MFGE8: variants seen among roughly 807,000 people sequenced by gnomAD.
The protein encoded by MFGE8 is lactadherin.
MFGE8 carries 34 observed loss-of-function variants against 42.6 expected under a neutral mutation model. The observed-to-expected ratio is 0.80, with a 90% CI of 0.61 to 1.06. The LOEUF is 1.06. MFGE8 is among the 50% of genes least tolerant of loss of function. The pLI is 0.00. For missense variants in MFGE8, 510 were observed against 516.9 expected (o/e 0.99, Z 0.13); for synonymous variants, 230 against 214.8 (o/e 1.07, Z -0.62).
intron 1 of MFGE8, chr15:88,912,218 C>T (rs765036529): frequency 1.6e-6 from 2 of 1,289,782 alleles, no homozygotes; most frequent in East Asian, 5.6e-5. Context: ...CCTGCTCTTT[C>T]GGGGACTTTC....
At chr15:88,913,223 C>T (rs1899051961) in intron 1 of MFGE8, 24 bp downstream of exon 1, 3 of 1,495,198 alleles carry the variant, frequency 2.0e-6, no homozygotes, top group East Asian at 2.8e-5. Context: ...GGGCGAGGGG[C>T]AGAGGGCGGC....
chr15:88,910,007 A>T (rs1274458963), intron 1 of MFGE8, 84 bp from the exon 2 acceptor site: 1 of 1,535,746 alleles, frequency 6.5e-7, no homozygotes, highest in Non-Finnish European at 9.0e-7. Flanking sequence ...GGTCCAGCCC[A>T]AAAGGACCCT....
In MFGE8 at chr15:88,906,492, C is replaced by G. The variant is rs969355500; in HGVS notation, c.540+134G>C. On this transcript the variant is annotated intron_variant, in intron 4 of 7. Coordinates refer to ENST00000268150, the MANE Select transcript of MFGE8 (RefSeq NM_005928.4). The surrounding 1 kb of genome is among the most constrained non-coding windows in gnomAD (Gnocchi z 4.2). Reference sequence around the variant, plus strand: ...GTCTGGGTTTCCCAATTTCTAGAAGCCAAGATGCACCCGAAGACCCACATC... The same window carrying G: ...GTCTGGGTTTCCCAATTTCTAGAAGGCAAGATGCACCCGAAGACCCACATC... 5 of 1,021,240 alleles carry G rather than the reference C, an allele frequency of 4.9e-6. No individual in the cohort carries two copies. The highest frequency in any genetic ancestry group is 1.6e-5 in the African/African-American group (1 of 63,242). The allele number at this position is 1,021,240 out of a possible 1,614,324, so 63.3% of individuals were successfully genotyped here. A position where few individuals can be genotyped will look rare whatever the true frequency, so the allele number is the denominator to read the frequency against.
chr15:88,910,808 T>A (rs756926502), intron 1 of MFGE8: 2 of 152,272 alleles, frequency 1.3e-5, no homozygotes, highest in Non-Finnish European at 2.9e-5. Context: ...CTGGGAGGGA[T>A]CTGAAGAATG....
intron 6 of MFGE8, chr15:88,900,642 G>A: frequency 1.1e-6 from 1 of 906,684 alleles, no homozygotes; most frequent in Non-Finnish European, 1.3e-6. Flanking sequence ...ACATCCAGGT[G>A]TAAACCCAAC....
At chr15:88,912,823 G>C in intron 1 of MFGE8, 1 of 985,408 alleles carries the variant, frequency 1.0e-6, no homozygotes, top group African/African-American at 1.7e-5. Flanking sequence ...AACTGGAGTT[G>C]GCAGGGAGAT....
At position 88,899,037 on chromosome 15, in the gene MFGE8, G is replaced by T; in HGVS notation, c.*358C>A. The stretch of plus-strand genomic sequence containing the variant: ...CCATGGGAATGTGATGTGTGAGAGA[G>T]GGGCTAGGAGAGACAGAGACACACG... On this transcript the variant is annotated 3_prime_UTR_variant, in exon 8 of 8. Transcript: ENST00000268150. This position sits in a 1 kb window ranked among gnomAD's most constrained non-coding sequence, Gnocchi z 6.8. 1 of 349,254 alleles carries T rather than the reference G, an allele frequency of 2.9e-6. No individual in the cohort carries two copies. The highest frequency in any genetic ancestry group is 5.5e-6 in the Non-Finnish European group (1 of 182,042). The allele number at this position is 349,254 out of a possible 1,614,324, so 21.6% of individuals were successfully genotyped here. A position where few individuals can be genotyped will look rare whatever the true frequency, so the allele number is the denominator to read the frequency against.
chr15:88,907,221 T>C lies in MFGE8; in HGVS notation c.361A>G (p.Ser121Gly), dbSNP rs759029626. The change falls in exon 3 of 8, where the codon AGC (serine) becomes GGC (glycine). Residue 121 changes from serine to glycine, a missense_variant. Physicochemically the swap from Ser to Gly is moderately conservative, Grantham distance 56. Transcript: ENST00000268150. ...AGMVNAWTPSSNDDNPWIQVN... is the reference protein window; with the variant it reads ...AGMVNAWTPSGNDDNPWIQVN... ...TGGATCCAGGGGTTATCGTCATTGC[T>C]GCTGGGTGTCCAGGCATTGACCATG... 4.3e-6 allele frequency: 7 copies of C among 1,613,982 alleles called. No individual in the cohort carries two copies. The highest frequency in any genetic ancestry group is 5.9e-6 in the Non-Finnish European group (7 of 1,179,970).
rs1802943 is a variant in MFGE8 at position 88,899,736 on chromosome 15, C to T, written c.946G>A (p.Val316Met). Residue 316 changes from valine to methionine, a missense_variant, in exon 7 of 8, where the codon GTG (valine) becomes ATG (methionine). By Grantham distance (21) the Val-to-Met change is conservative (BLOSUM62 1). Transcript: ENST00000268150. The surrounding 1 kb of genome is among the most constrained non-coding windows in gnomAD (Gnocchi z 6.8). ...CTGTAGGCAACCTTGTAGGATGCCA[C>T]AAACTGGACAGAGCCAAAGTTACGG... is the stretch of plus-strand genomic sequence containing the variant. ...GARNFGSVQF[V>M]ASYKVAYSND... 1.9e-6 allele frequency: 3 copies of T among 1,614,090 alleles called. No individual in the cohort carries two copies. Among genetic ancestry groups the T allele is most frequent in the Admixed American group, 1.7e-5 (1 of 60,010 alleles).
chr15:88,912,874 G>C (rs1282691462), intron 1 of MFGE8: 4 of 985,302 alleles, frequency 4.1e-6, no homozygotes, highest in South Asian at 4.7e-5. Context: ...ATCCATACTA[G>C]AGTCCTAGAA....
At chr15:88,900,762 G>A (rs1386785265) in intron 6 of MFGE8, 2 of 985,364 alleles carry the variant, frequency 2.0e-6, no homozygotes, top group African/African-American at 3.5e-5. Context: ...TTGTTTCCTA[G>A]TTTCAATGAC....
In MFGE8 at chr15:88,902,045, C is replaced by T; in HGVS notation, c.686-310G>A. 1 of 406,812 alleles carries T rather than the reference C, an allele frequency of 2.5e-6. No individual in the cohort carries two copies. The highest frequency in any genetic ancestry group is 4.7e-6 in the Non-Finnish European group (1 of 213,772). The allele number at this position is 406,812 out of a possible 1,614,324, so 25.2% of individuals were successfully genotyped here. On this transcript the variant is annotated intron_variant, in intron 5 of 7. Coordinates refer to ENST00000268150, the MANE Select transcript of MFGE8 (RefSeq NM_005928.4). This position sits in a 1 kb window ranked among gnomAD's most constrained non-coding sequence, Gnocchi z 4.3. ...CACCACCTCCTGCCCTCCTTCAATG[C>T]CTGACTTTGGAGACACCTCCTCCAA... is the stretch of plus-strand genomic sequence containing the variant.
intron 2 of MFGE8, 149 bp from the exon 3 acceptor site, chr15:88,907,525 C>T: frequency 5.2e-6 from 4 of 769,516 alleles, no homozygotes; most frequent in Non-Finnish European, 9.1e-6. Context: ...GAACAAAGAC[C>T]ACAAAGGGAC....
At chr15:88,912,861 C>CA in intron 1 of MFGE8, 1 of 985,454 alleles carries the variant, frequency 1.0e-6, no homozygotes, top group South Asian at 4.7e-5. Flanking sequence ...CCAGACAAGA[C>CA]TTATCCATAC....
chr15:88,912,638 G>C (rs1899020209), intron 1 of MFGE8: 1 of 985,352 alleles, frequency 1.0e-6, no homozygotes, highest in Non-Finnish European at 1.2e-6. Context: ...GCGGGAGGGA[G>C]GGAGTCAGGA....
Position 88,913,329 on chromosome 15 carries a change from A to C in MFGE8, c.-10T>G, listed in dbSNP as rs1899061387. On this transcript the variant is annotated 5_prime_UTR_variant, in exon 1 of 8. Coordinates refer to ENST00000268150, the MANE Select transcript of MFGE8 (RefSeq NM_005928.4). ...GGCGGGGGCGCGGCATGCTGCGGGG[A>C]CGCGGGCGCTGGAATGGGCACGCTG... The C allele has an allele frequency of 1.4e-6, 2 of 1,432,860 alleles. No homozygotes were observed. Among genetic ancestry groups the C allele is most frequent in the Admixed American group, 3.0e-5 (1 of 32,946 alleles). The allele number at this position is 1,432,860 out of a possible 1,614,324, so 88.8% of individuals were successfully genotyped here.
intron 6 of MFGE8, 34 bp downstream of exon 6, chr15:88,901,517 A>ACCCCCCCCC: frequency 5.6e-6 from 6 of 1,072,614 alleles, no homozygotes; most frequent in Non-Finnish European, 7.1e-6. Context: ...ATCCCACCCA[A>ACCCCCCCCC]CCCCAGCCCC....
In MFGE8 at chr15:88,902,987, G is replaced by T. The variant is rs1203700604; in HGVS notation, c.686-1252C>A. 7 of 152,186 alleles carry T rather than the reference G, an allele frequency of 4.6e-5. No individual in the cohort carries two copies. Among genetic ancestry groups the T allele is most frequent in the African/African-American group, 1.4e-4 (6 of 41,412 alleles). 9.4% of individuals were successfully genotyped at this position (152,186 alleles called of 1,614,324 possible). A position where few individuals can be genotyped will look rare whatever the true frequency, so the allele number is the denominator to read the frequency against. Reference sequence around the variant, plus strand: ...AAGACATTTGCCTCCAGGGTGTGTTGACAATGCCTGCTGATGGTACCATCA... The same window carrying T: ...AAGACATTTGCCTCCAGGGTGTGTTTACAATGCCTGCTGATGGTACCATCA... On this transcript the variant is annotated intron_variant, in intron 5 of 7. Coordinates refer to ENST00000268150, the MANE Select transcript of MFGE8 (RefSeq NM_005928.4). This position sits in a 1 kb window ranked among gnomAD's most constrained non-coding sequence, Gnocchi z 4.3.
At chr15:88,900,667 CAGGTGGGTACT>C (rs1898319000) in intron 6 of MFGE8, 2 of 978,216 alleles carry the variant, frequency 2.0e-6, no homozygotes, top group Middle Eastern at 5.2e-4. Flanking sequence ...TGCCAGCCAG[CAGGTGGGTACT>C]AGGCAGATCA....
Sources: allele counts gnomAD v4.1 joint callset, GRCh38; gene constraint gnomAD v4.1.1; non-coding constraint Gnocchi (gnomAD v3.1); transcripts MANE v1.5; gene names NCBI Gene and HGNC (gene_info 2026-07-23, HGNC 2026-07-21).